The following LATS1 variants were observed in gnomAD, a reference collection of about 807,000 sequenced individuals.
The protein encoded by LATS1 is serine/threonine-protein kinase LATS1.
A neutral mutation model predicts 106.6 loss-of-function variants in LATS1; 25 were observed. The ratio of observed to expected loss-of-function variants is 0.23; its 90% confidence interval spans 0.17 to 0.33. The LOEUF (loss-of-function observed/expected upper bound fraction) is 0.33. Among genes scored for constraint, LATS1 ranks in the 10% least tolerant of loss-of-function variants. The pLI is 1.00. For synonymous variants in LATS1, 465 were observed against 455.6 expected (o/e 1.02, Z -0.26); for missense variants, 1,040 against 1,382.6 (o/e 0.75, Z 3.93).
In LATS1 at chr6:149,692,741, C is replaced by CTGA. The variant is rs1448358792; in HGVS notation, c.496+2332_496+2333insTCA. Among the ~76,000 whole-genome samples the CTGA allele has an allele frequency of 2.7e-5, 4 of 150,594 alleles. No individual in the cohort carries two copies. In the East Asian group the frequency reaches 7.8e-4, roughly 29 times the overall value. On this transcript the variant is annotated intron_variant, in intron 3 of 7. Transcript: ENST00000543571. ...CCAGGCTGGAGTGCAATGGTGCGAT[C>CTGA]TCAGCTTACCGAAACCTCCGCCTCC...
chr6:149,706,772 A>G (rs1469103562), intron 1 of LATS1, among the ~76,000 whole-genome samples: 6 of 152,112 alleles, frequency 3.9e-5, no homozygotes, highest in Non-Finnish European at 8.8e-5. Flanking sequence ...GGAAGTGGCA[A>G]GGGACAGCTT....
chr6:149,684,296 G>T lies in LATS1; in HGVS notation c.793C>A (p.Pro265Thr), dbSNP rs1782234938. 1.2e-6 allele frequency: 2 copies of T among 1,614,096 alleles called. No homozygotes were observed. The highest frequency in any genetic ancestry group is 4.5e-5 in the East Asian group (2 of 44,874). Residue 265 changes from proline to threonine, a missense_variant, in exon 4 of 8, where the codon CCC becomes ACC. Pro to Thr is a conservative substitution (Grantham distance 38). Coordinates refer to ENST00000543571, the MANE Select transcript of LATS1 (RefSeq NM_004690.4). Reference sequence around the variant, plus strand: ...TGAGAGTTTGGTTCCCATGAAGGGGGAGGTGGAGTTGTACCTCTTGGAGGG... The same window carrying T: ...TGAGAGTTTGGTTCCCATGAAGGGGTAGGTGGAGTTGTACCTCTTGGAGGG... ...TPPPRGTTPPPPSWEPNSQTK... is the reference protein window; with the variant it reads ...TPPPRGTTPPTPSWEPNSQTK...
rs1198461018 is a variant in LATS1 at position 149,658,174 on chromosome 6, T to A, written c.*3555A>T. On this transcript the variant is annotated 3_prime_UTR_variant, in exon 8 of 8. Coordinates refer to ENST00000543571, the MANE Select transcript of LATS1 (RefSeq NM_004690.4). ...ATAATTGAAAGATTTGAATTTTTTT[T>A]ATTATCCCAGCAAACATTACACTAG... The A allele has an allele frequency of 6.6e-6, 1 of 152,216 alleles. No individual in the cohort carries two copies. The highest frequency in any genetic ancestry group is 1.5e-5 in the Non-Finnish European group (1 of 68,028). 9.4% of individuals were successfully genotyped at this position (152,216 alleles called of 1,614,324 possible). A position where few individuals can be genotyped will look rare whatever the true frequency, so the allele number is the denominator to read the frequency against.
At position 149,688,324 on chromosome 6, in the gene LATS1, T is replaced by C. The variant is rs995219609; in HGVS notation, c.497-3732A>G. On this transcript the variant is annotated intron_variant, in intron 3 of 7. Transcript: ENST00000543571. The stretch of plus-strand genomic sequence containing the variant: ...GGTTTTTTGTTTGTTTGTTTGTTTT[T>C]TGACATGGAGTCTTCGCTTTGTCAC... 2.0e-5 allele frequency among the ~76,000 whole-genome samples: 3 copies of C among 152,282 alleles called. No homozygotes were observed. The South Asian group carries it at 6.2e-4, about 32-fold the overall frequency.
In LATS1 at chr6:149,682,926, T is replaced by C. The variant is rs981220744; in HGVS notation, c.2010+153A>G. On this transcript the variant is annotated intron_variant, in intron 4 of 7. Transcript: ENST00000543571. Reference sequence around the variant, plus strand: ...TAAAATAAAATGCTACAATCAAAAGTACTTTAATATTTATTCACTTTTAAA... The same window carrying C: ...TAAAATAAAATGCTACAATCAAAAGCACTTTAATATTTATTCACTTTTAAA... 91 of 620,758 alleles carry C rather than the reference T, an allele frequency of 1.5e-4. No individual in the cohort carries two copies. In the African/African-American group the frequency reaches 1.6e-3, roughly 11 times the overall value. 38.5% of individuals were successfully genotyped at this position (620,758 alleles called of 1,614,324 possible). A position where few individuals can be genotyped will look rare whatever the true frequency, so the allele number is the denominator to read the frequency against.
chr6:149,695,332 C>G, intron 2 of LATS1, 111 bp from the exon 3 acceptor site: 1 of 650,520 alleles, frequency 1.5e-6, no homozygotes, highest in East Asian at 2.9e-5. Flanking sequence ...ATGAAGAACA[C>G]AGCCCCAAAC....
chr6:149,693,873 T>C (rs1782915553), intron 3 of LATS1, among the ~76,000 whole-genome samples: 1 of 151,966 alleles, frequency 6.6e-6, no homozygotes, highest in African/African-American at 2.4e-5. Context: ...GCAGATCACT[T>C]GAGGTCAGGA....
At chr6:149,701,485 C>T (rs958473175) in intron 2 of LATS1, among the ~76,000 whole-genome samples, 2 of 152,210 alleles carry the variant, frequency 1.3e-5, no homozygotes, top group Non-Finnish European at 2.9e-5. Flanking sequence ...CCTTCCCCTA[C>T]CCTCACCTAT....
chr6:149,698,357 C>T (rs1199133478), intron 2 of LATS1, among the ~76,000 whole-genome samples: 1 of 151,618 alleles, frequency 6.6e-6, no homozygotes, highest in Non-Finnish European at 1.5e-5. Context: ...ATCCTCCCAC[C>T]TCACCCTCCT....
At chr6:149,695,457 T>G (rs1325694588) in intron 2 of LATS1, among the ~76,000 whole-genome samples, 1 of 152,148 alleles carries the variant, frequency 6.6e-6, no homozygotes, top group Non-Finnish European at 1.5e-5. Flanking sequence ...TCAGATCACT[T>G]AAGACCAGGA....
At chr6:149,676,038 A>C (rs1367212789) in intron 7 of LATS1, 1 of 482,718 alleles carries the variant, frequency 2.1e-6, no homozygotes, top group Non-Finnish European at 3.7e-6. Context: ...TTGTTTGTAG[A>C]GATGTGGTCT....
At chr6:149,712,282 C>A (rs898351429) in intron 1 of LATS1, among the ~76,000 whole-genome samples, 7 of 152,136 alleles carry the variant, frequency 4.6e-5, no homozygotes, top group Admixed American at 1.3e-4. Context: ...ACCGCAACCT[C>A]CACCTCCCGG....
At chr6:149,706,105 C>T (rs1286971741) in intron 1 of LATS1, among the ~76,000 whole-genome samples, 1 of 132,992 alleles carries the variant, frequency 7.5e-6, no homozygotes, top group Non-Finnish European at 1.5e-5. Context: ...ATCGCTTGAA[C>T]CCGGGAGGTG....
In LATS1 at chr6:149,685,499, C is replaced by A. The variant is rs555304321; in HGVS notation, c.497-907G>T. On this transcript the variant is annotated intron_variant, in intron 3 of 7. Coordinates refer to ENST00000543571, the MANE Select transcript of LATS1 (RefSeq NM_004690.4). ...CTCCCGGGTTCAAGTAATTCTCCTTCCTCAGCCTCCTGAGTAGCTGGGACT... is the reference window on the plus strand; with the variant it reads ...CTCCCGGGTTCAAGTAATTCTCCTTACTCAGCCTCCTGAGTAGCTGGGACT... Among the ~76,000 whole-genome samples, 95 of 152,198 alleles carry A rather than the reference C, an allele frequency of 6.2e-4. 1 individual carries two copies. Among genetic ancestry groups the A allele is most frequent in the Middle Eastern group, 6.8e-3 (2 of 294 alleles).
chr6:149,691,412 A>T (rs1470136307), intron 3 of LATS1, among the ~76,000 whole-genome samples: 1 of 152,198 alleles, frequency 6.6e-6, no homozygotes, highest in Non-Finnish European at 1.5e-5. Flanking sequence ...TAAGCCACCC[A>T]GTCTGTGTTA....
intron 5 of LATS1, among the ~76,000 whole-genome samples, chr6:149,677,991 G>T (rs1201379764): frequency 2.7e-5 from 4 of 146,464 alleles, no homozygotes; most frequent in African/African-American, 1.0e-4. Context: ...CTGCACTCCA[G>T]CCTGGCAACA....
intron 3 of LATS1, among the ~76,000 whole-genome samples, chr6:149,693,820 TG>T (rs1183460087): frequency 6.6e-6 from 1 of 152,148 alleles, no homozygotes; most frequent in African/African-American, 2.4e-5. Context: ...CTGGGCGCGG[TG>T]GCTCACGCCT....
chr6:149,710,494 T>A (rs2115011039), intron 1 of LATS1, among the ~76,000 whole-genome samples: 1 of 152,322 alleles, frequency 6.6e-6, no homozygotes, highest in African/African-American at 2.4e-5. Context: ...TTATATATGA[T>A]CTGGCCATTG....
chr6:149,688,693 C>T lies in LATS1; in HGVS notation c.497-4101G>A, dbSNP rs928193883. Among the ~76,000 whole-genome samples the T allele has an allele frequency of 3.3e-5, 5 of 152,284 alleles. No homozygotes were observed. The East Asian group carries it at 5.8e-4, about 18-fold the overall frequency. On this transcript the variant is annotated intron_variant, in intron 3 of 7. Coordinates refer to ENST00000543571, the MANE Select transcript of LATS1 (RefSeq NM_004690.4). ...TGACATTGGTAAACAACAGAACATC[C>T]GTGGCCCATGAACCTACATTCTCGA...
Sources: allele counts gnomAD v4.1 joint callset (sites outside exome capture counted in the v4.1 genomes callset), GRCh38; gene constraint gnomAD v4.1.1; transcripts MANE v1.5; gene names NCBI Gene and HGNC (gene_info 2026-07-23, HGNC 2026-07-21).